The following CCDC18 variants were observed in gnomAD, a reference collection of about 807,000 sequenced individuals.
CCDC18 encodes coiled-coil domain-containing protein 18.
Under a neutral mutation model 196.0 loss-of-function variants are expected in CCDC18, and 157 were observed. That is an observed-to-expected ratio of 0.80 (90% CI 0.70 to 0.91). The LOEUF is 0.91. Ranked by LOEUF, CCDC18 falls within the 40% of genes least tolerant of loss-of-function variation. CCDC18 has a pLI of 0.00. For synonymous variants in CCDC18, 482 were observed against 529.2 expected (o/e 0.91, Z 1.22); for missense variants, 1,465 against 1,611.6 (o/e 0.91, Z 1.56).
chr1:93,180,151 G>A (rs763388559), upstream of CCDC18: 16 of 1,613,666 alleles, frequency 9.9e-6, no homozygotes, highest in South Asian at 6.6e-5. Context: ...GCTATCGAGG[G>A]AAGGTGTGAA....
chr1:93,211,008 G>C (rs1655527065), intron 10 of CCDC18, 82 bp downstream of exon 10: 2 of 1,437,386 alleles, frequency 1.4e-6, no homozygotes, highest in Non-Finnish European at 1.9e-6. Flanking sequence ...CGGGCATGGT[G>C]GCTCATGCCT....
chr1:93,253,652 C>T (rs1254855974), intron 23 of CCDC18, among the ~76,000 whole-genome samples: 2 of 152,200 alleles, frequency 1.3e-5, no homozygotes, highest in African/African-American at 4.8e-5. Flanking sequence ...TTTTCCGGTC[C>T]ACTGCTGAGA....
chr1:93,264,641 C>A, intron 26 of CCDC18, 60 bp from the exon 27 acceptor site: 1 of 1,004,016 alleles, frequency 1.0e-6, no homozygotes, highest in Non-Finnish European at 1.5e-6. Context: ...AGACTGTTGT[C>A]GAATCCAGTT....
intron 14 of CCDC18, among the ~76,000 whole-genome samples, chr1:93,221,043 AG>A (rs1283182881): frequency 6.6e-6 from 1 of 152,172 alleles, no homozygotes; most frequent in Admixed American, 6.5e-5. Flanking sequence ...ATGGGCATTT[AG>A]GTTGATTCCA....
Position 93,239,795 on chromosome 1 carries a change from T to C in CCDC18, c.2880T>C (p.Ser960=). Residue 960 remains serine (S), a synonymous_variant, in exon 21 of 29, where the codon AGT becomes AGC. Transcript: ENST00000690025. Reference sequence around the variant, plus strand: ...AAAATGCTCATGGAGAATTAAAAAGTACTTTAAGACAACTCCAGGAATTGA... The same window carrying C: ...AAAATGCTCATGGAGAATTAAAAAGCACTTTAAGACAACTCCAGGAATTGA... The part of the protein sequence containing the change: ...ELQNAHGELK[S]TLRQLQELRD... 6.2e-7 allele frequency: 1 copy of C among 1,613,390 alleles called. No homozygotes were observed. Among genetic ancestry groups the C allele is most frequent in the South Asian group, 1.1e-5 (1 of 91,068 alleles).
upstream of CCDC18, chr1:93,180,060 C>G (rs776986275): frequency 3.7e-6 from 6 of 1,612,770 alleles, no homozygotes; most frequent in East Asian, 1.1e-4. Flanking sequence ...TTACTTGGTA[C>G]TCGATCTCCA....
chr1:93,205,118 T>C (rs1433245688), intron 7 of CCDC18, among the ~76,000 whole-genome samples: 2 of 152,144 alleles, frequency 1.3e-5, no homozygotes, highest in Non-Finnish European at 2.9e-5. Context: ...CAGTGTATCT[T>C]GGGTGCTTTT....
chr1:93,258,719 T>C (rs1663369035), intron 25 of CCDC18, 29 bp from the exon 26 acceptor site: 1 of 1,493,856 alleles, frequency 6.7e-7, no homozygotes, highest in Non-Finnish European at 8.9e-7. Context: ...ACAAGTTTTA[T>C]AGCTTTTACT....
chr1:93,220,053 T>C (rs954407607), intron 14 of CCDC18, among the ~76,000 whole-genome samples: 1 of 151,998 alleles, frequency 6.6e-6, no homozygotes. Context: ...GAAATAAATT[T>C]ACAAATTTAA....
chr1:93,185,559 G>A (rs751902150), intron 3 of CCDC18, among the ~76,000 whole-genome samples: 4 of 151,688 alleles, frequency 2.6e-5, no homozygotes, highest in Non-Finnish European at 4.4e-5. Context: ...GAGATTGCCA[G>A]TGTATATTGT....
At chr1:93,262,182 G>C (rs1414208352) in intron 26 of CCDC18, 1 of 152,144 alleles carries the variant, frequency 6.6e-6, no homozygotes, top group Non-Finnish European at 1.5e-5. Context: ...GATTCGGGTG[G>C]GGACACAGAG....
chr1:93,267,139 C>T (rs1165836757), intron 27 of CCDC18, among the ~76,000 whole-genome samples: 2 of 152,210 alleles, frequency 1.3e-5, no homozygotes. Context: ...GCTGGTTCAA[C>T]ATACGCAAAT....
In CCDC18 at chr1:93,246,786, C is replaced by T. The variant is rs1483123230; in HGVS notation, c.3082-52C>T. 1.1e-5 allele frequency: 9 copies of T among 833,860 alleles called. No individual in the cohort carries two copies. The African/African-American group carries it at 1.4e-4, about 13-fold the overall frequency. 51.7% of individuals were successfully genotyped at this position (833,860 alleles called of 1,614,324 possible). On this transcript the variant is annotated intron_variant, in intron 22 of 28. Coordinates refer to ENST00000690025, the MANE Select transcript of CCDC18 (RefSeq NM_001378204.1). ...AATTACAAAGCCTATTCTAAGCATA[C>T]AAGTTTTTATATCAGAATAAAATTG... is the stretch of plus-strand genomic sequence containing the variant.
intron 16 of CCDC18, among the ~76,000 whole-genome samples, chr1:93,225,501 G>A (rs1440271812): frequency 6.6e-6 from 1 of 152,112 alleles, no homozygotes. Flanking sequence ...TTAAGGCCAG[G>A]CAAGGTGGCT....
upstream of CCDC18, chr1:93,180,388 C>G (rs1649316865): frequency 1.5e-5 from 19 of 1,245,298 alleles, no homozygotes; most frequent in Non-Finnish European, 2.1e-5. Flanking sequence ...GCGAACACTC[C>G]CTCCGAAAGA....
At chr1:93,276,867 A>G (rs1665650570) in intron 28 of CCDC18, among the ~76,000 whole-genome samples, 1 of 149,218 alleles carries the variant, frequency 6.7e-6, no homozygotes, top group Non-Finnish European at 1.5e-5. Context: ...ACACAGAGAC[A>G]AAGTATAGAG....
chr1:93,226,503 G>A lies in CCDC18; in HGVS notation c.2292+54G>A. The A allele has an allele frequency of 2.8e-6, 2 of 708,770 alleles. 1 individual carries two copies. The highest frequency in any genetic ancestry group is 3.3e-5 in the South Asian group (2 of 60,534). The allele number at this position is 708,770 out of a possible 1,614,324, so 43.9% of individuals were successfully genotyped here. ...ATATATTTCAAGTGATTTTTTTTAA[G>A]AAGCATGAGATGTAGGACAAAATAT... On this transcript the variant is annotated intron_variant, in intron 17 of 28. Transcript: ENST00000690025.
In CCDC18 at chr1:93,278,578, T is replaced by C. The variant is rs1557728096; in HGVS notation, c.*101T>C. 1 of 523,050 alleles carries C rather than the reference T, an allele frequency of 1.9e-6. No homozygotes were observed. 32.4% of individuals were successfully genotyped at this position (523,050 alleles called of 1,614,324 possible). On this transcript the variant is annotated 3_prime_UTR_variant, in exon 29 of 29. Coordinates refer to ENST00000690025, the MANE Select transcript of CCDC18 (RefSeq NM_001378204.1). ...ACTTCATAGAAGCTGTTATTTTGCTTTTGAATAAATTTTATATTTCAATAT... is the reference window on the plus strand; with the variant it reads ...ACTTCATAGAAGCTGTTATTTTGCTCTTGAATAAATTTTATATTTCAATAT...
intron 17 of CCDC18, among the ~76,000 whole-genome samples, chr1:93,227,315 C>T (rs946303384): frequency 7.3e-5 from 11 of 150,990 alleles, no homozygotes; most frequent in South Asian, 2.1e-4. Context: ...CATGCTGCCA[C>T]GCCCGGCTAA....
Sources: gnomAD v4.1 joint callset for allele counts (sites outside exome capture counted in the v4.1 genomes callset) on GRCh38, gnomAD v4.1.1 for gene constraint, MANE v1.5 for transcripts, NCBI Gene and HGNC (gene_info 2026-07-23, HGNC 2026-07-21) for gene names.